Variants in CDH22 observed in about 807,000 individuals in gnomAD.
CDH22 encodes cadherin-22.
In CDH22, 30 loss-of-function variants were observed where a neutral mutation model predicts 58.4. That is an observed-to-expected ratio of 0.51 (90% confidence interval 0.38 to 0.70). CDH22 has a LOEUF of 0.70. Ranked by LOEUF, CDH22 falls within the 30% of genes least tolerant of loss-of-function variation. CDH22 has a pLI of 0.00. For synonymous variants in CDH22, 513 were observed against 558.2 expected, an observed-to-expected ratio of 0.92 and a Z score of 1.14; for missense variants, 1,014 against 1,233.9, an observed-to-expected ratio of 0.82 and a Z score of 2.67.
chr20:46,294,671 T>A (rs993931047), intron 1 of CDH22, among the ~76,000 whole-genome samples: 8 of 151,996 alleles, frequency 5.3e-5, no homozygotes, highest in Non-Finnish European at 1.2e-4. Context: ...AACTCTCCCT[T>A]CTCCACAGGG....
chr20:46,293,636 C>T (rs1307013085), intron 1 of CDH22, among the ~76,000 whole-genome samples: 13 of 152,102 alleles, frequency 8.5e-5, no homozygotes, highest in Admixed American at 8.5e-4. Flanking sequence ...AACCAGATCT[C>T]AGTTCCTGGT....
chr20:46,246,825 G>T (rs548360156), intron 2 of CDH22, among the ~76,000 whole-genome samples: 1 of 152,178 alleles, frequency 6.6e-6, no homozygotes, highest in Non-Finnish European at 1.5e-5. Context: ...GGCTCCCTGG[G>T]GTGGGGGGAA....
intron 1 of CDH22, among the ~76,000 whole-genome samples, chr20:46,254,143 G>A (rs191098609): frequency 3.3e-5 from 5 of 152,132 alleles, no homozygotes; most frequent in South Asian, 4.2e-4. Flanking sequence ...GTTATTCAGC[G>A]ATCTATCAGC....
intron 1 of CDH22, among the ~76,000 whole-genome samples, chr20:46,280,548 A>G (rs1359103957): frequency 6.6e-6 from 1 of 152,152 alleles, no homozygotes; most frequent in African/African-American, 2.4e-5. Context: ...CAGAAGTACC[A>G]CAGTCCCATC....
intron 1 of CDH22, among the ~76,000 whole-genome samples, chr20:46,295,476 C>T (rs1687947676): frequency 6.6e-6 from 1 of 152,220 alleles, no homozygotes; most frequent in Admixed American, 6.5e-5. Context: ...ACTTTACAAA[C>T]ATTAGCTTGT....
intron 3 of CDH22, among the ~76,000 whole-genome samples, chr20:46,240,499 T>A (rs2086281560): frequency 6.6e-6 from 1 of 152,110 alleles, no homozygotes; most frequent in South Asian, 2.1e-4. Context: ...TGAACTTTTG[T>A]GAAGGGCTCT....
chr20:46,200,020 C>T (rs1168559000), intron 7 of CDH22, among the ~76,000 whole-genome samples: 2 of 151,822 alleles, frequency 1.3e-5, no homozygotes, highest in Non-Finnish European at 2.9e-5. Flanking sequence ...TTCGCCCAGG[C>T]TGGAGTGCAA....
chr20:46,289,905 A>G (rs1408896674), intron 1 of CDH22, among the ~76,000 whole-genome samples: 3 of 152,222 alleles, frequency 2.0e-5, no homozygotes, highest in Non-Finnish European at 2.9e-5. Flanking sequence ...TTTGAGGCTA[A>G]CCTGTGGATT....
At chr20:46,194,268 A>C (rs1040818298) in intron 8 of CDH22, among the ~76,000 whole-genome samples, 2 of 152,170 alleles carry the variant, frequency 1.3e-5, no homozygotes, top group Admixed American at 6.5e-5. Flanking sequence ...AGGCCCCAGA[A>C]AACACTGGCT....
At chr20:46,219,093 G>A (rs2086106573) in intron 4 of CDH22, among the ~76,000 whole-genome samples, 1 of 152,222 alleles carries the variant, frequency 6.6e-6, no homozygotes, top group Non-Finnish European at 1.5e-5. Context: ...GTATTTCTGT[G>A]TGTACCTGTG....
At chr20:46,178,963 C>T (rs1425524312) in intron 10 of CDH22, among the ~76,000 whole-genome samples, 1 of 152,194 alleles carries the variant, frequency 6.6e-6, no homozygotes, top group Non-Finnish European at 1.5e-5. Context: ...GGACAGTGAA[C>T]AAACACAAAT....
chr20:46,239,025 C>T (rs1230444462), intron 3 of CDH22, among the ~76,000 whole-genome samples: 1 of 152,234 alleles, frequency 6.6e-6, no homozygotes, highest in Non-Finnish European at 1.5e-5. Flanking sequence ...TGTGCCATTC[C>T]CTCCGCCTGG....
chr20:46,270,667 C>A (rs1271960867), intron 1 of CDH22, among the ~76,000 whole-genome samples: 1 of 152,130 alleles, frequency 6.6e-6, no homozygotes, highest in African/African-American at 2.4e-5. Context: ...GGTTATACTC[C>A]AGGGGCTCTG....
Position 46,181,711 on chromosome 20 carries a change from CT to C in CDH22, c.1664-3515del, listed in dbSNP as rs11477703. ...CTCTTTCTTTTCTTTTCTTTTCTTT[CT>C]TTTTTTCCTTCCTTCCTTCCTTCCT... is the stretch of plus-strand genomic sequence containing the variant. On this transcript the variant is annotated intron_variant, in intron 10 of 11. Transcript: ENST00000537909. Among the ~76,000 whole-genome samples the C allele has an allele frequency of 9.4e-3, 999 of 106,712 alleles. 19 individuals are homozygous for C. Among genetic ancestry groups the C allele is most frequent in the African/African-American group, 0.026 (735 of 27,972 alleles). 70.0% of individuals were successfully genotyped at this position (106,712 alleles called of 152,430 possible).
In CDH22 at chr20:46,175,093, A is replaced by G. The variant is rs1224768859; in HGVS notation, c.1916-16T>C. On this transcript the variant is annotated splice_polypyrimidine_tract_variant and intron_variant, in intron 11 of 11. Coordinates refer to ENST00000537909, the MANE Select transcript of CDH22 (RefSeq NM_021248.3). ...AGCACCAGCACTGCGAGGGGGACAG[A>G]GGGGGCAACTGAGGGCCAAGCCCCT... The G allele has an allele frequency of 6.4e-7, 1 of 1,569,826 alleles. No homozygotes were observed. The highest frequency in any genetic ancestry group is 8.6e-7 in the Non-Finnish European group (1 of 1,162,146).
At chr20:46,233,403 C>T (rs2086232633) in intron 3 of CDH22, among the ~76,000 whole-genome samples, 2 of 152,220 alleles carry the variant, frequency 1.3e-5, no homozygotes. Context: ...TCAACATTTA[C>T]CAGGCCCTCT....
rs375716625 is a variant in CDH22 at position 46,210,585 on chromosome 20, T to C, written c.1033-25A>G. The stretch of plus-strand genomic sequence containing the variant: ...GCTGCGGGAGGGAGCAGAGGGCCGG[T>C]TAGTGGGTGGGGTCTGGTGGACACT... On this transcript the variant is annotated intron_variant, in intron 6 of 11. Transcript: ENST00000537909. The surrounding 1 kb of genome is among the most constrained non-coding windows in gnomAD (Gnocchi z 4.5). 4.2e-6 allele frequency: 6 copies of C among 1,421,126 alleles called. No individual in the cohort carries two copies. The highest frequency in any genetic ancestry group is 5.9e-5 in the Admixed American group (2 of 33,790). The allele number at this position is 1,421,126 out of a possible 1,614,324, so 88.0% of individuals were successfully genotyped here. A position where few individuals can be genotyped will look rare whatever the true frequency, so the allele number is the denominator to read the frequency against.
chr20:46,199,400 A>C, intron 8 of CDH22, 23 bp downstream of exon 8: 2 of 1,601,114 alleles, frequency 1.2e-6, no homozygotes, highest in East Asian at 2.2e-5. Flanking sequence ...TTGCCCTTGG[A>C]GGGGGCGTGG....
intron 3 of CDH22, among the ~76,000 whole-genome samples, chr20:46,232,161 C>CT (rs923253919): frequency 1.2e-4 from 18 of 151,602 alleles, no homozygotes; most frequent in East Asian, 7.7e-4. Context: ...GGCCAGAATT[C>CT]TTTTTTTTTC....
Sources: gnomAD v4.1 joint callset for allele counts (sites outside exome capture counted in the v4.1 genomes callset) on GRCh38, gnomAD v4.1.1 for gene constraint, Gnocchi (gnomAD v3.1) non-coding constraint, MANE v1.5 for transcripts, NCBI Gene and HGNC (gene_info 2026-07-23, HGNC 2026-07-21) for gene names.